Variants in ARPC3 observed in about 807,000 individuals in gnomAD.
The protein encoded by ARPC3 is actin related protein 2/3 complex subunit 3, also known as actin-related protein 2/3 complex subunit 3.
Under a neutral mutation model 27.6 loss-of-function variants are expected in ARPC3, and 12 were observed. The observed-to-expected ratio is 0.43, with a 90% confidence interval of 0.28 to 0.70. The LOEUF (loss-of-function observed/expected upper bound fraction) is 0.70. Ranked by LOEUF, ARPC3 falls within the 30% of genes least tolerant of loss-of-function variation. The probability of loss-of-function intolerance (pLI) is 0.17; values close to 1 mark genes in which losing one functional copy is unlikely to be tolerated. For missense variants in ARPC3, 153 were observed against 207.7 expected, an observed-to-expected ratio of 0.74 and a Z score of 1.62; for synonymous variants, 53 against 67.2, an observed-to-expected ratio of 0.79 and a Z score of 1.03.
intron 2 of ARPC3, 200 bp from the exon 3 acceptor site, chr12:110,440,588 C>T (rs2062430027): frequency 2.0e-6 from 1 of 494,042 alleles, no homozygotes; most frequent in Non-Finnish European, 3.7e-6. Context: ...GCTCTGTCAC[C>T]CAGGCTGGAG....
intron 2 of ARPC3, among the ~76,000 whole-genome samples, chr12:110,441,199 G>C (rs975769473): frequency 3.4e-5 from 5 of 146,798 alleles, no homozygotes. Flanking sequence ...GAGTGAAATG[G>C]CATGATCTCG....
At chr12:110,439,205 C>G (rs1251233334) in intron 3 of ARPC3, among the ~76,000 whole-genome samples, 5 of 152,050 alleles carry the variant, frequency 3.3e-5, no homozygotes, top group Admixed American at 2.6e-4. Flanking sequence ...AGGCTGGTCT[C>G]AAACTCCTGG....
chr12:110,440,174 T>C lies in ARPC3; in HGVS notation c.183+138A>G. On this transcript the variant is annotated intron_variant, in intron 3 of 6. Coordinates refer to ENST00000228825, the MANE Select transcript of ARPC3 (RefSeq NM_001278556.2). Reference sequence around the variant, plus strand: ...AAGAAACTAATATTTATACAAAAGCTAACATTAAGCACTGCTCTCGAATTT... The same window carrying C: ...AAGAAACTAATATTTATACAAAAGCCAACATTAAGCACTGCTCTCGAATTT... 6.0e-6 allele frequency: 4 copies of C among 668,188 alleles called. No individual in the cohort carries two copies. In the East Asian group the frequency reaches 8.3e-5, roughly 14 times the overall value. The allele number at this position is 668,188 out of a possible 1,614,324, so 41.4% of individuals were successfully genotyped here. A position where few individuals can be genotyped will look rare whatever the true frequency, so the allele number is the denominator to read the frequency against.
In ARPC3 at chr12:110,445,548, A is replaced by G. The variant is rs755732770; in HGVS notation, c.10T>C (p.Tyr4His). 6.2e-7 allele frequency: 1 copy of G among 1,608,924 alleles called. No homozygotes were observed. The highest frequency in any genetic ancestry group is 1.1e-5 in the South Asian group (1 of 90,984). ...TCAGGATCCATGAGAGAAGAGTGGT[A>G]AGCCTGTAATGGCAAGCCCAGGAAG... MPA[Y>H]HSSLMDPDTK... Residue 4 changes from tyrosine to histidine, a missense_variant, in exon 2 of 7, where the codon TAC (tyrosine) becomes CAC (histidine). Coordinates refer to ENST00000228825, the MANE Select transcript of ARPC3 (RefSeq NM_001278556.2).
chr12:110,441,798 A>C (rs2062438929), intron 2 of ARPC3, among the ~76,000 whole-genome samples: 1 of 151,976 alleles, frequency 6.6e-6, no homozygotes, highest in Non-Finnish European at 1.5e-5. Context: ...TGGGAGGCCG[A>C]GACGGGTGGA....
intron 2 of ARPC3, chr12:110,445,197 A>C (rs999141827): frequency 2.2e-6 from 1 of 459,676 alleles, no homozygotes; most frequent in Middle Eastern, 6.4e-4. Context: ...ACTGATAAAC[A>C]GTGTCCAGAA....
intron 3 of ARPC3, among the ~76,000 whole-genome samples, chr12:110,439,268 A>T (rs975739686): frequency 4.3e-4 from 65 of 151,232 alleles, no homozygotes; most frequent in Non-Finnish European, 8.1e-4. Flanking sequence ...TACAGGCGTG[A>T]GCCACCATGC....
At chr12:110,450,181 C>T in intron 1 of ARPC3, 74 bp downstream of exon 1, 2 of 1,601,942 alleles carry the variant, frequency 1.2e-6, no homozygotes, top group Admixed American at 1.7e-5. Flanking sequence ...GCCCGCTTCT[C>T]TCGGCACACA....
chr12:110,444,481 C>T lies in ARPC3; in HGVS notation c.106+971G>A, dbSNP rs754863983. 7.2e-5 allele frequency among the ~76,000 whole-genome samples: 11 copies of T among 152,170 alleles called. No individual in the cohort carries two copies. In the South Asian group the frequency reaches 2.3e-3, roughly 32 times the overall value. The stretch of plus-strand genomic sequence containing the variant: ...TGTATTTTTAGTAGAGTTGGGGTTT[C>T]GCCATGTTTGCCAGGCTGGTCTCGA... On this transcript the variant is annotated intron_variant, in intron 2 of 6. Coordinates refer to ENST00000228825, the MANE Select transcript of ARPC3 (RefSeq NM_001278556.2).
chr12:110,449,848 G>A (rs2062490164), intron 1 of ARPC3, among the ~76,000 whole-genome samples: 1 of 152,188 alleles, frequency 6.6e-6, no homozygotes, highest in Admixed American at 6.5e-5. Flanking sequence ...ACAAACAGCA[G>A]AGGGAGCCTG....
At chr12:110,438,732 C>T (rs1260989549) in intron 3 of ARPC3, among the ~76,000 whole-genome samples, 2 of 150,662 alleles carry the variant, frequency 1.3e-5, no homozygotes, top group East Asian at 2.0e-4. Flanking sequence ...CAACCTCTGC[C>T]TCCTGGGTTC....
rs1354211600 is a variant in ARPC3, at chr12:110,446,100, C to CA, written c.7-550dup. Among the ~76,000 whole-genome samples the CA allele has an allele frequency of 5.8e-3, 558 of 95,492 alleles. 1 individual carries two copies. Among genetic ancestry groups the CA allele is most frequent in the African/African-American group, 9.4e-3 (239 of 25,540 alleles). 62.6% of individuals were successfully genotyped at this position (95,492 alleles called of 152,430 possible). ...CCTGGGCAACAGAGCAAGACTGTCT[C>CA]AAAAAAAAAAAAAAAGTAAATAATG... is the stretch of plus-strand genomic sequence containing the variant. On this transcript the variant is annotated intron_variant, in intron 1 of 6. Transcript: ENST00000228825.
At chr12:110,440,130 A>G (rs1241292693) in intron 3 of ARPC3, among the ~76,000 whole-genome samples, 182 bp downstream of exon 3, 2 of 152,166 alleles carry the variant, frequency 1.3e-5, no homozygotes, top group Admixed American at 1.3e-4. Flanking sequence ...CCCCTGGTAT[A>G]GAATTTGGAG....
intron 2 of ARPC3, among the ~76,000 whole-genome samples, chr12:110,442,089 G>C (rs2062440643): frequency 6.6e-6 from 1 of 151,140 alleles, no homozygotes; most frequent in Non-Finnish European, 1.5e-5. Context: ...GCCTAGGCTG[G>C]TCTCAAACTC....
At chr12:110,440,441 A>G (rs1566295739) in intron 2 of ARPC3, 53 bp from the exon 3 acceptor site, 11 of 1,210,408 alleles carry the variant, frequency 9.1e-6, no homozygotes, top group Admixed American at 6.7e-5. Context: ...AATACAAAAC[A>G]TAACAACTAT....
chr12:110,440,085 G>A (rs1380446619), intron 3 of ARPC3, among the ~76,000 whole-genome samples: 1 of 152,106 alleles, frequency 6.6e-6, no homozygotes, highest in Non-Finnish European at 1.5e-5. Flanking sequence ...AAGGGGCAGT[G>A]GGCCAAATGT....
At chr12:110,439,371 T>A (rs2062423442) in intron 3 of ARPC3, among the ~76,000 whole-genome samples, 1 of 152,182 alleles carries the variant, frequency 6.6e-6, no homozygotes, top group African/African-American at 2.4e-5. Context: ...CCCAGAGAAT[T>A]GTAACATTTA....
At chr12:110,443,895 TTGTTGAATATAAATGAATTAG>T (rs1409074648) in intron 2 of ARPC3, among the ~76,000 whole-genome samples, 1 of 152,140 alleles carries the variant, frequency 6.6e-6, no homozygotes, top group Non-Finnish European at 1.5e-5. Flanking sequence ...CTACAGATAT[TTGTTGAATATAAATGAATTAG>T]TGTGATTAAT....
chr12:110,449,033 C>G (rs1182052268), intron 1 of ARPC3, among the ~76,000 whole-genome samples: 1 of 151,768 alleles, frequency 6.6e-6, no homozygotes, highest in Admixed American at 6.6e-5. Flanking sequence ...CTAGGCCTCC[C>G]AAAGTGCTGG....
Sources: allele counts gnomAD v4.1 joint callset (sites outside exome capture counted in the v4.1 genomes callset), GRCh38; gene constraint gnomAD v4.1.1; transcripts MANE v1.5; gene names NCBI Gene and HGNC (gene_info 2026-07-23, HGNC 2026-07-21).